The following CNTNAP2 variants were observed in gnomAD, a reference collection of about 807,000 sequenced individuals.
The protein encoded by CNTNAP2 is contactin-associated protein-like 2.
A neutral mutation model predicts 155.2 loss-of-function variants in CNTNAP2; 98 were observed. That is an observed-to-expected ratio of 0.63 (90% CI 0.54 to 0.75). The LOEUF is 0.75. CNTNAP2 is among the 30% of genes least tolerant of loss of function. The probability of loss-of-function intolerance (pLI) is 0.00; values close to 1 mark genes in which losing one functional copy is unlikely to be tolerated. For missense variants in CNTNAP2, 1,727 were observed against 1,688.1 expected, an observed-to-expected ratio of 1.02 and a Z score of -0.40; for synonymous variants, 651 against 631.2, an observed-to-expected ratio of 1.03 and a Z score of -0.47.
At chr7:147,514,514 G>C (rs1799081297) in intron 11 of CNTNAP2, among the ~76,000 whole-genome samples, 1 of 151,476 alleles carries the variant, frequency 6.6e-6, no homozygotes, top group Non-Finnish European at 1.5e-5. Flanking sequence ...TGAGGACAAA[G>C]TAACAGAATA....
intron 11 of CNTNAP2, among the ~76,000 whole-genome samples, chr7:147,489,593 T>C (rs1223837984): frequency 6.6e-6 from 1 of 152,142 alleles, no homozygotes; most frequent in Non-Finnish European, 1.5e-5. Context: ...TATCCCTGCT[T>C]CAGTCTCCCA....
intron 8 of CNTNAP2, among the ~76,000 whole-genome samples, chr7:147,179,192 C>A (rs1802407924): frequency 6.6e-6 from 1 of 152,132 alleles, no homozygotes; most frequent in South Asian, 2.1e-4. Flanking sequence ...ATATAGTGAA[C>A]AATTATATAT....
Position 147,641,977 on chromosome 7 carries a change from G to A in CNTNAP2, c.2098+2671G>A, listed in dbSNP as rs928578744. 4.6e-5 allele frequency among the ~76,000 whole-genome samples: 7 copies of A among 151,394 alleles called. No individual in the cohort carries two copies. The South Asian group carries it at 1.5e-3, about 32-fold the overall frequency. On this transcript the variant is annotated intron_variant, in intron 13 of 23. Coordinates refer to ENST00000361727, the MANE Select transcript of CNTNAP2 (RefSeq NM_014141.6). ...GAGAACCAGCACAACTCTTTTTTCT[G>A]TTCACTTTCACTTATCATAGGTGTG...
chr7:146,361,214 C>T (rs1795077414), intron 1 of CNTNAP2, among the ~76,000 whole-genome samples: 1 of 152,126 alleles, frequency 6.6e-6, no homozygotes, highest in Non-Finnish European at 1.5e-5. Flanking sequence ...TACATACATA[C>T]AGCTTATTTT....
intron 3 of CNTNAP2, among the ~76,000 whole-genome samples, chr7:146,970,895 G>A (rs963128038): frequency 9.9e-5 from 15 of 151,864 alleles, no homozygotes; most frequent in South Asian, 2.1e-4. Context: ...AAAATGATGC[G>A]TTCATGTCCT....
chr7:146,481,156 C>T (rs1198326305), intron 1 of CNTNAP2, among the ~76,000 whole-genome samples: 3 of 152,226 alleles, frequency 2.0e-5, no homozygotes, highest in East Asian at 1.9e-4. Context: ...ACTCTTGCAA[C>T]GTAAATTGGT....
In CNTNAP2 at chr7:148,415,620, G is replaced by T; in HGVS notation, c.*4G>T. ...CAAAAAGGAATGGCTCATTTGAGGG[G>T]TGGCTACTTGGCTATGGGATAGGGA... On this transcript the variant is annotated 3_prime_UTR_variant, in exon 24 of 24. Coordinates refer to ENST00000361727, the MANE Select transcript of CNTNAP2 (RefSeq NM_014141.6). The T allele has an allele frequency of 1.2e-6, 2 of 1,614,160 alleles. No homozygotes were observed. Among genetic ancestry groups the T allele is most frequent in the Non-Finnish European group, 1.7e-6 (2 of 1,180,010 alleles).
intron 8 of CNTNAP2, among the ~76,000 whole-genome samples, chr7:147,257,571 A>G (rs895100941): frequency 2.6e-5 from 4 of 152,222 alleles, no homozygotes; most frequent in Non-Finnish European, 2.9e-5. Context: ...TACTTACCAC[A>G]TGTATGGAAC....
intron 11 of CNTNAP2, among the ~76,000 whole-genome samples, chr7:147,534,886 G>C (rs1203134918): frequency 6.6e-6 from 1 of 151,804 alleles, no homozygotes; most frequent in Non-Finnish European, 1.5e-5. Flanking sequence ...ATACACTATG[G>C]ACAAGTATTT....
At chr7:147,429,083 C>T (rs1217604006) in intron 10 of CNTNAP2, among the ~76,000 whole-genome samples, 1 of 151,826 alleles carries the variant, frequency 6.6e-6, no homozygotes, top group Admixed American at 6.6e-5. Flanking sequence ...CATCTCCATC[C>T]AGATTTCTGT....
At chr7:147,485,313 G>T (rs117379712) in intron 10 of CNTNAP2, among the ~76,000 whole-genome samples, 2,553 of 152,316 alleles carry the variant, frequency 0.017, 29 homozygotes, top group Non-Finnish European at 0.025. Flanking sequence ...GCTACAATTA[G>T]TCATCTTAAT....
chr7:146,918,699 G>C (rs1242071257), intron 3 of CNTNAP2, among the ~76,000 whole-genome samples: 2 of 152,150 alleles, frequency 1.3e-5, no homozygotes, highest in Non-Finnish European at 2.9e-5. Context: ...GGTGTTTTTT[G>C]AGCTTCTTGT....
At chr7:147,412,510 A>G (rs971805320) in intron 10 of CNTNAP2, among the ~76,000 whole-genome samples, 2 of 152,178 alleles carry the variant, frequency 1.3e-5, no homozygotes, top group Admixed American at 1.3e-4. Context: ...CTGTAATTAC[A>G]TCTTTTCTTC....
intron 1 of CNTNAP2, among the ~76,000 whole-genome samples, chr7:146,140,307 G>A (rs1488184852): frequency 6.6e-6 from 1 of 152,092 alleles, no homozygotes; most frequent in Non-Finnish European, 1.5e-5. Flanking sequence ...TCTTCTTCCT[G>A]TTCAATGTCT....
At chr7:146,636,201 C>CG (rs916111304) in intron 1 of CNTNAP2, among the ~76,000 whole-genome samples, 7 of 105,076 alleles carry the variant, frequency 6.7e-5, no homozygotes, top group African/African-American at 2.2e-4. Context: ...GGCAGGGGGG[C>CG]GGGGGGTGAT....
intron 13 of CNTNAP2, among the ~76,000 whole-genome samples, chr7:147,877,868 C>G (rs1319646740): frequency 2.0e-5 from 3 of 152,116 alleles, no homozygotes; most frequent in Non-Finnish European, 4.4e-5. Flanking sequence ...GATATTAAAT[C>G]ATTTAAATTG....
At chr7:147,193,624 G>A (rs1203747685) in intron 8 of CNTNAP2, among the ~76,000 whole-genome samples, 2 of 152,150 alleles carry the variant, frequency 1.3e-5, no homozygotes, top group African/African-American at 2.4e-5. Context: ...GGGATGGGGA[G>A]CTCATGGAAG....
intron 3 of CNTNAP2, among the ~76,000 whole-genome samples, chr7:146,840,883 C>G (rs1330089699): frequency 6.6e-6 from 1 of 152,154 alleles, no homozygotes; most frequent in Non-Finnish European, 1.5e-5. Context: ...AATGTGTCTA[C>G]TTAAGTAGAA....
At chr7:146,800,379 G>A (rs1267229408) in intron 2 of CNTNAP2, among the ~76,000 whole-genome samples, 2 of 152,344 alleles carry the variant, frequency 1.3e-5, no homozygotes, top group African/African-American at 4.8e-5. Flanking sequence ...GGCCTGGGAA[G>A]ACCAGCTGGC....
Sources: allele counts gnomAD v4.1 joint callset (sites outside exome capture counted in the v4.1 genomes callset), GRCh38; gene constraint gnomAD v4.1.1; transcripts MANE v1.5; gene names NCBI Gene and HGNC (gene_info 2026-07-23, HGNC 2026-07-21).